Variants in PCDHGA3 observed in about 807,000 individuals in gnomAD.
PCDHGA3 encodes protocadherin gamma-A3.
Under a neutral mutation model 58.5 loss-of-function variants are expected in PCDHGA3, and 40 were observed. The observed-to-expected ratio is 0.68, with a 90% CI of 0.53 to 0.89. PCDHGA3 has a LOEUF of 0.89. PCDHGA3 is among the 40% of genes least tolerant of loss of function. The probability of loss-of-function intolerance (pLI) is 0.00; values close to 1 mark genes in which losing one functional copy is unlikely to be tolerated. For synonymous variants in PCDHGA3, 530 were observed against 525.7 expected (o/e 1.01, Z -0.11); for missense variants, 1,223 against 1,195.9 (o/e 1.02, Z -0.33).
chr5:141,422,727 G>A, intron 1 of PCDHGA3: 6 of 1,606,552 alleles, frequency 3.7e-6, no homozygotes, highest in Non-Finnish European at 5.1e-6. Flanking sequence ...TCCAGGGGGT[G>A]CCTCTGTCCT....
chr5:141,450,823 A>ATT (rs1453980247), intron 1 of PCDHGA3, among the ~76,000 whole-genome samples: 2 of 133,076 alleles, frequency 1.5e-5, no homozygotes, highest in East Asian at 2.2e-4. Flanking sequence ...TAATATTATT[A>ATT]TTATTATTTT....
chr5:141,345,155 A>AG lies in PCDHGA3; in HGVS notation c.1123dup (p.Asp375GlyfsTer9). On this transcript the variant is annotated frameshift_variant, in exon 1 of 4. Transcript: ENST00000253812. LOFTEE classifies it high-confidence loss of function. ...TTGCTCTTATCGACGTGCATGACCG[A>AG]GATTCTGGGCAGAATGGGCAGGTTG... 1.2e-6 allele frequency: 2 copies of AG among 1,614,040 alleles called. No homozygotes were observed. The highest frequency in any genetic ancestry group is 3.3e-4 in the Middle Eastern group (2 of 6,062).
chr5:141,460,097 G>A (rs2098982102), intron 1 of PCDHGA3, among the ~76,000 whole-genome samples: 2 of 151,812 alleles, frequency 1.3e-5, no homozygotes, highest in African/African-American at 2.4e-5. Context: ...AATTATACAT[G>A]TAATTATATA....
chr5:141,427,658 C>A, intron 1 of PCDHGA3: 2 of 738,894 alleles, frequency 2.7e-6, no homozygotes, highest in Non-Finnish European at 4.8e-6. Context: ...ACGTGGTCCA[C>A]GTGGCCGAAA....
intron 1 of PCDHGA3, chr5:141,374,626 C>G (rs748933501): frequency 9.9e-6 from 16 of 1,613,226 alleles, no homozygotes; most frequent in Admixed American, 1.7e-5. Context: ...TCTCAGTGGA[C>G]GTGCAAAGCG....
chr5:141,394,428 G>A lies in PCDHGA3; in HGVS notation c.2424+47971G>A, dbSNP rs199658498. On this transcript the variant is annotated intron_variant, in intron 1 of 3. Coordinates refer to ENST00000253812, the MANE Select transcript of PCDHGA3 (RefSeq NM_018916.4). ...ACTGGTAACAGCCAGCGACAGCGGG[G>A]ACCCGCCCCTCAGCAGCAACATGTC... 332 of 1,614,232 alleles carry A rather than the reference G, an allele frequency of 2.1e-4. 3 individuals are homozygous for A. In the African/African-American group the frequency reaches 4.0e-3, roughly 19 times the overall value.
chr5:141,419,414 GCCTTCGACCACGAGCAGCTGCGCA>G, intron 1 of PCDHGA3: 1 of 1,613,428 alleles, frequency 6.2e-7, no homozygotes, highest in South Asian at 1.1e-5. Context: ...CGCGCAGCGC[GCCTTCGACCACGAGCAGCTGCGCA>G]CCTTCGAGCT....
intron 1 of PCDHGA3, among the ~76,000 whole-genome samples, chr5:141,401,410 A>T (rs536817103): frequency 2.6e-5 from 4 of 152,354 alleles, no homozygotes; most frequent in African/African-American, 9.6e-5. Context: ...TGAGAGAGAA[A>T]GAGAGAGACT....
intron 2 of PCDHGA3, among the ~76,000 whole-genome samples, chr5:141,499,772 C>T (rs1217675128): frequency 1.0e-4 from 15 of 147,946 alleles, no homozygotes; most frequent in Admixed American, 9.0e-4. Context: ...CTGCAGCCTT[C>T]GCCTCCCGGG....
At chr5:141,380,140 T>C (rs1776247193) in intron 1 of PCDHGA3, among the ~76,000 whole-genome samples, 1 of 151,998 alleles carries the variant, frequency 6.6e-6, no homozygotes, top group Non-Finnish European at 1.5e-5. Context: ...CCTTAAGTGA[T>C]CCACCCGCCT....
In PCDHGA3 at chr5:141,431,377, T is replaced by A; in HGVS notation, c.2425-63430T>A. 1 of 1,613,426 alleles carries A rather than the reference T, an allele frequency of 6.2e-7. No individual in the cohort carries two copies. Among genetic ancestry groups the A allele is most frequent in the Non-Finnish European group, 8.5e-7 (1 of 1,179,558 alleles). ...GCGCCCTGGACCGCGAAGAAAAGGC[T>A]GCTCACCACCTGGTCCTTACGGCCT... is the stretch of plus-strand genomic sequence containing the variant. On this transcript the variant is annotated intron_variant, in intron 1 of 3. Coordinates refer to ENST00000253812, the MANE Select transcript of PCDHGA3 (RefSeq NM_018916.4). This position sits in a 1 kb window ranked among gnomAD's most constrained non-coding sequence, Gnocchi z 4.8.
At chr5:141,377,095 T>G (rs887467044) in intron 1 of PCDHGA3, 5 of 152,298 alleles carry the variant, frequency 3.3e-5, no homozygotes, top group Non-Finnish European at 7.3e-5. Context: ...GTTTTTCTTT[T>G]ATATCAAAAG....
At position 141,399,531 on chromosome 5, in the gene PCDHGA3, G is replaced by T. The variant is rs771221717; in HGVS notation, c.2424+53074G>T. 24 of 1,614,052 alleles carry T rather than the reference G, an allele frequency of 1.5e-5. No homozygotes were observed. The South Asian group carries it at 2.0e-4, about 13-fold the overall frequency. ...ACAACCCTCCTGGGGCCTCCATCGC[G>T]CAAGTCTGCGCCTCGGACCTGGACT... On this transcript the variant is annotated intron_variant, in intron 1 of 3. Coordinates refer to ENST00000253812, the MANE Select transcript of PCDHGA3 (RefSeq NM_018916.4).
chr5:141,495,412 G>A lies in PCDHGA3; in HGVS notation c.2483+547G>A, dbSNP rs188302135. 2.2e-4 allele frequency among the ~76,000 whole-genome samples: 33 copies of A among 152,284 alleles called. No homozygotes were observed. The East Asian group carries it at 6.4e-3, about 29-fold the overall frequency. ...GGCATGGAGCAGGCCCCCTTCTCCG[G>A]CCCCTCCTCCCACTGTCCTCTGCCC... On this transcript the variant is annotated intron_variant, in intron 2 of 3. Coordinates refer to ENST00000253812, the MANE Select transcript of PCDHGA3 (RefSeq NM_018916.4).
intron 1 of PCDHGA3, among the ~76,000 whole-genome samples, chr5:141,451,873 C>A (rs1425706652): frequency 1.3e-5 from 2 of 151,830 alleles, no homozygotes; most frequent in East Asian, 3.9e-4. Context: ...AGAATGAAAC[C>A]CTGTCAAGAA....
intron 1 of PCDHGA3, chr5:141,427,267 A>C (rs1361287845): frequency 6.6e-6 from 3 of 456,648 alleles, no homozygotes; most frequent in Non-Finnish European, 1.3e-5. Flanking sequence ...ATGACCAGCG[A>C]ATGTAAAATT....
At chr5:141,370,806 A>C in intron 1 of PCDHGA3, 1 of 1,614,054 alleles carries the variant, frequency 6.2e-7, no homozygotes, top group Non-Finnish European at 8.5e-7. Context: ...CCAAAATATC[A>C]CTGAGCTGGA....
intron 1 of PCDHGA3, among the ~76,000 whole-genome samples, chr5:141,457,254 A>G (rs2098914828): frequency 6.6e-6 from 1 of 152,222 alleles, no homozygotes; most frequent in Admixed American, 6.5e-5. Flanking sequence ...TTGCCAACAT[A>G]TAGAATTCCC....
rs755984295 is a variant in PCDHGA3, at chr5:141,344,345, A to T, written c.312A>T (p.Val104=). ...GCGCTCAGATCCCGCTGTGTCTGGTAAAAATTAACATTCTGGTTGAGGATA... is the reference window on the plus strand; with the variant it reads ...GCGCTCAGATCCCGCTGTGTCTGGTTAAAATTAACATTCTGGTTGAGGATA... The part of the protein sequence containing the change: ...ELCAQIPLCL[V]KINILVEDKL... The change falls in exon 1 of 4, where the codon GTA becomes GTT. Residue 104 remains valine (V), a synonymous_variant. Coordinates refer to ENST00000253812, the MANE Select transcript of PCDHGA3 (RefSeq NM_018916.4). 1 of 1,613,958 alleles carries T rather than the reference A, an allele frequency of 6.2e-7. No homozygotes were observed. Among genetic ancestry groups the T allele is most frequent in the East Asian group, 2.2e-5 (1 of 44,886 alleles).
Sources: allele counts gnomAD v4.1 joint callset (sites outside exome capture counted in the v4.1 genomes callset), GRCh38; gene constraint gnomAD v4.1.1; non-coding constraint Gnocchi (gnomAD v3.1); transcripts MANE v1.5; gene names NCBI Gene and HGNC (gene_info 2026-07-23, HGNC 2026-07-21).